PADI6: variants seen among roughly 807,000 people sequenced by gnomAD.
PADI6 encodes peptidyl arginine deiminase 6.
Under a neutral mutation model 78.2 loss-of-function variants are expected in PADI6, and 66 were observed. That is an observed-to-expected ratio of 0.84 (90% CI 0.69 to 1.04). The LOEUF (loss-of-function observed/expected upper bound fraction) is 1.04, where lower values mean the gene tolerates loss of function less well. Ranked by LOEUF, PADI6 falls within the 50% of genes least tolerant of loss-of-function variation. The probability of loss-of-function intolerance (pLI) is 0.00; values close to 1 mark genes in which losing one functional copy is unlikely to be tolerated. For synonymous variants in PADI6, 397 were observed against 346.9 expected, an observed-to-expected ratio of 1.14 and a Z score of -1.60; for missense variants, 854 against 866.1, an observed-to-expected ratio of 0.99 and a Z score of 0.18.
At chr1:17,372,411 G>A (rs2074971181) in intron 1 of PADI6, 50 bp downstream of exon 1, 1 of 1,543,368 alleles carries the variant, frequency 6.5e-7, no homozygotes, top group African/African-American at 1.4e-5. Flanking sequence ...AGGCAGGCAG[G>A]CCTGGGACCC....
At chr1:17,392,664 T>G (rs1227846194) in intron 9 of PADI6, among the ~76,000 whole-genome samples, 2 of 152,222 alleles carry the variant, frequency 1.3e-5, no homozygotes, top group African/African-American at 4.8e-5. Flanking sequence ...GCACCAGAGA[T>G]AAACTGGAAC....
At chr1:17,387,764 G>A (rs1013724212) in intron 6 of PADI6, among the ~76,000 whole-genome samples, 1 of 152,050 alleles carries the variant, frequency 6.6e-6, no homozygotes, top group African/African-American at 2.4e-5. Flanking sequence ...AACACCTTTA[G>A]GATCTAATTA....
intron 6 of PADI6, among the ~76,000 whole-genome samples, chr1:17,387,453 A>G (rs555264371): frequency 2.9e-4 from 41 of 142,766 alleles, no homozygotes; most frequent in African/African-American, 9.6e-4. Flanking sequence ...TCAAAAAAGA[A>G]AAGGAGGGGG....
intron 5 of PADI6, 135 bp downstream of exon 5, chr1:17,381,299 C>A: frequency 4.2e-6 from 3 of 710,596 alleles, no homozygotes; most frequent in African/African-American, 1.8e-5. Context: ...CTGGGCTGAT[C>A]AAACCTTTTG....
chr1:17,381,251 C>A, intron 5 of PADI6, 87 bp downstream of exon 5: 1 of 1,073,958 alleles, frequency 9.3e-7, no homozygotes. Context: ...TAATTTTCTC[C>A]ACCCCACCCC....
chr1:17,372,433 T>G (rs1408690886), intron 1 of PADI6, 72 bp downstream of exon 1: 19 of 1,405,116 alleles, frequency 1.4e-5, no homozygotes, highest in Non-Finnish European at 1.8e-5. Context: ...GTCCCCTTGA[T>G]CTGGGAGTTG....
intron 6 of PADI6, 24 bp from the exon 7 acceptor site, chr1:17,388,357 G>T: frequency 6.3e-7 from 1 of 1,589,968 alleles, no homozygotes; most frequent in Non-Finnish European, 8.6e-7. Flanking sequence ...TCAGTGGCTG[G>T]TCCATCCCTT....
At chr1:17,374,310 AAGT>A (rs2100284410) in intron 2 of PADI6, among the ~76,000 whole-genome samples, 1 of 152,006 alleles carries the variant, frequency 6.6e-6, no homozygotes, top group African/African-American at 2.4e-5. Flanking sequence ...CCTGAGAGGC[AAGT>A]AGTGGACTTA....
intron 13 of PADI6, 120 bp from the exon 14 acceptor site, chr1:17,396,951 T>G: frequency 1.1e-6 from 1 of 884,710 alleles, no homozygotes; most frequent in Non-Finnish European, 1.8e-6. Context: ...GCCAGTCCTC[T>G]CGCCATGGTC....
At chr1:17,376,952 T>C (rs892154353) in intron 3 of PADI6, among the ~76,000 whole-genome samples, 2 of 152,100 alleles carry the variant, frequency 1.3e-5, no homozygotes, top group African/African-American at 4.8e-5. Flanking sequence ...AGAGACACGA[T>C]CATGGCTCAT....
At chr1:17,396,627 ACTATCACCTCAGAG>A (rs2075249983) in intron 13 of PADI6, among the ~76,000 whole-genome samples, 1 of 151,832 alleles carries the variant, frequency 6.6e-6, no homozygotes, top group Admixed American at 6.6e-5. Flanking sequence ...CATGACAAAG[ACTATCACCTCAGAG>A]CTGGCAAATA....
At position 17,377,210 on chromosome 1, in the gene PADI6, A is replaced by G. The variant is rs145582455; in HGVS notation, c.367+1711A>G. Among the ~76,000 whole-genome samples the G allele has an allele frequency of 6.3e-3, 949 of 150,844 alleles. 11 individuals carry two copies. The highest frequency in any genetic ancestry group is 0.021 in the African/African-American group (870 of 41,040). On this transcript the variant is annotated intron_variant, in intron 3 of 15. Transcript: ENST00000619609. ...ACCATATTGCCCAGCCTGGTCTCAA[A>G]CTCCTGGCCTCAAGTGATCCTCCCG...
At chr1:17,391,037 G>A (rs1005534481) in intron 8 of PADI6, among the ~76,000 whole-genome samples, 14 of 152,136 alleles carry the variant, frequency 9.2e-5, no homozygotes, top group African/African-American at 3.4e-4. Context: ...AGGTTCTTTG[G>A]AGCAGTAGCA....
At chr1:17,379,128 T>TTTTTC (rs2075047836) in intron 3 of PADI6, among the ~76,000 whole-genome samples, 1 of 134,200 alleles carries the variant, frequency 7.5e-6, no homozygotes, top group African/African-American at 3.6e-5. Flanking sequence ...TTTTTTTTTT[T>TTTTTC]TTTTAAGACG....
At position 17,388,113 on chromosome 1, in the gene PADI6, G is replaced by GGCAT. The variant is rs530012660; in HGVS notation, c.680-267_680-264dup. Among the ~76,000 whole-genome samples the GGCAT allele has an allele frequency of 8.9e-4, 135 of 152,314 alleles. 2 individuals carry two copies. The highest frequency in any genetic ancestry group is 3.1e-3 in the African/African-American group (128 of 41,580). ...CTTCACACCAGTCAGGAGCCTTGAA[G>GGCAT]GCATCATCACCTGAGCTCCAACTCC... On this transcript the variant is annotated intron_variant, in intron 6 of 15. Transcript: ENST00000619609.
chr1:17,377,276 C>G (rs956265932), intron 3 of PADI6, among the ~76,000 whole-genome samples: 1 of 151,334 alleles, frequency 6.6e-6, no homozygotes, highest in Non-Finnish European at 1.5e-5. Context: ...GCATGAGCCA[C>G]GTACCTGCTG....
Position 17,394,340 on chromosome 1 carries a change from A to C in PADI6, c.1223A>C (p.His408Pro). The C allele has an allele frequency of 6.2e-7, 1 of 1,613,912 alleles. No individual in the cohort carries two copies. The highest frequency in any genetic ancestry group is 1.1e-5 in the South Asian group (1 of 91,060). The change falls in exon 11 of 16, where the codon CAT becomes CCT. Residue 408 changes from histidine to proline, a missense_variant. His to Pro is a moderately conservative substitution (Grantham distance 77). Transcript: ENST00000619609. ...IGYMIQDTEDHKVASMDSIGN... is the reference protein window; with the variant it reads ...IGYMIQDTEDPKVASMDSIGN... ...TACATGATCCAGGACACTGAGGACCATAAAGTGGCCAGCATGGATTCCATT... is the reference window on the plus strand; with the variant it reads ...TACATGATCCAGGACACTGAGGACCCTAAAGTGGCCAGCATGGATTCCATT...
chr1:17,401,185 C>T lies in PADI6; in HGVS notation c.1852-20C>T. On this transcript the variant is annotated intron_variant, in intron 15 of 15. Coordinates refer to ENST00000619609, the MANE Select transcript of PADI6 (RefSeq NM_207421.4). ...CCTCTGATCCCTGTCCAGGCCTCAC[C>T]CACCCTGTCTTTCTAACAGTTGCGG... is the stretch of plus-strand genomic sequence containing the variant. The T allele has an allele frequency of 6.2e-7, 1 of 1,611,344 alleles. No homozygotes were observed. Among genetic ancestry groups the T allele is most frequent in the Non-Finnish European group, 8.5e-7 (1 of 1,177,960 alleles).
At chr1:17,399,801 G>T (rs2075283875) in intron 15 of PADI6, among the ~76,000 whole-genome samples, 1 of 151,940 alleles carries the variant, frequency 6.6e-6, no homozygotes, top group African/African-American at 2.4e-5. Context: ...ACTTTGGGAG[G>T]CTGAGGTGGG....
Sources: allele counts gnomAD v4.1 joint callset (sites outside exome capture counted in the v4.1 genomes callset), GRCh38; gene constraint gnomAD v4.1.1; transcripts MANE v1.5; gene names NCBI Gene and HGNC (gene_info 2026-07-23, HGNC 2026-07-21).